Variants in TSEN2 observed in about 807,000 individuals in gnomAD.
TSEN2 encodes the protein tRNA-splicing endonuclease subunit Sen2.
A neutral mutation model predicts 59.2 loss-of-function variants in TSEN2; 54 were observed. That is an observed-to-expected ratio of 0.91 (90% CI 0.73 to 1.14). The LOEUF (loss-of-function observed/expected upper bound fraction) is 1.14. TSEN2 is among the 50% of genes most tolerant of loss of function. TSEN2 has a pLI of 0.00. For missense variants in TSEN2, 636 were observed against 576.2 expected (o/e 1.10, Z -1.06); for synonymous variants, 195 against 198.2 (o/e 0.98, Z 0.14).
At chr3:12,539,165 G>A (rs1187096137) in exon 11 of TSEN2, 5 of 439,806 alleles carry the variant, frequency 1.1e-5, no homozygotes, top group African/African-American at 2.1e-5. Flanking sequence ...ATGTAGTCTC[G>A]CTCTGTCGTC....
At chr3:12,489,740 TATTG>T (rs1181311477) in intron 1 of TSEN2, 40 bp from the exon 2 acceptor site, 9 of 1,553,492 alleles carry the variant, frequency 5.8e-6, no homozygotes, top group South Asian at 5.7e-5. Flanking sequence ...TCAAGGTAGT[TATTG>T]ATTGTCTGTT....
Position 12,531,661 on chromosome 3 carries a change from TG to T in TSEN2, c.1338+5del. On this transcript the variant is annotated splice_donor_region_variant and intron_variant, in intron 11 of 11. Coordinates refer to ENST00000284995, the MANE Select transcript of TSEN2 (RefSeq NM_025265.4). Reference sequence around the variant, plus strand: ...TGTATGAAAAGGATTAAAGTTCAGGTGGGTAAACTCAGAGAAATTCATGTCA... The same window carrying T: ...TGTATGAAAAGGATTAAAGTTCAGGTGGTAAACTCAGAGAAATTCATGTCA... 1 of 1,591,720 alleles carries T rather than the reference TG, an allele frequency of 6.3e-7. No homozygotes were observed. Among genetic ancestry groups the T allele is most frequent in the Non-Finnish European group, 8.6e-7 (1 of 1,159,564 alleles).
At chr3:12,505,462 G>A (rs2054711803) in intron 6 of TSEN2, 2 of 493,230 alleles carry the variant, frequency 4.1e-6, no homozygotes, top group East Asian at 7.1e-5. Flanking sequence ...AGATTCGAGG[G>A]GTTTTTCTGA....
chr3:12,487,812 C>T (rs1356671923), intron 1 of TSEN2, among the ~76,000 whole-genome samples: 1 of 152,144 alleles, frequency 6.6e-6, no homozygotes, highest in African/African-American at 2.4e-5. Flanking sequence ...ATGCAGTAGA[C>T]GTGGTTTTGT....
At chr3:12,483,453 C>A (rs2052288342), upstream of TSEN2, among the ~76,000 whole-genome samples, 1 of 152,112 alleles carries the variant, frequency 6.6e-6, no homozygotes, top group Admixed American at 6.5e-5. Flanking sequence ...AGCACAGAGG[C>A]AAGTCACCCA....
upstream of TSEN2, among the ~76,000 whole-genome samples, chr3:12,483,249 G>A (rs938637773): frequency 1.1e-4 from 16 of 152,318 alleles, no homozygotes; most frequent in African/African-American, 2.9e-4. Flanking sequence ...GGTGGCAGGC[G>A]CCTGTAATCC....
intron 3 of TSEN2, among the ~76,000 whole-genome samples, chr3:12,494,175 T>G (rs1019905484): frequency 1.3e-5 from 2 of 152,100 alleles, no homozygotes; most frequent in African/African-American, 4.8e-5. Flanking sequence ...CACTGTAATA[T>G]CCAAAGACTG....
intron 8 of TSEN2, among the ~76,000 whole-genome samples, chr3:12,520,654 G>A (rs922752406): frequency 6.6e-6 from 1 of 152,042 alleles, no homozygotes; most frequent in African/African-American, 2.4e-5. Flanking sequence ...GCTGGGCGTG[G>A]TAGCAGGCAC....
intron 9 of TSEN2, among the ~76,000 whole-genome samples, chr3:12,529,221 C>T (rs972477569): frequency 6.6e-6 from 1 of 152,218 alleles, no homozygotes; most frequent in Non-Finnish European, 1.5e-5. Context: ...AATCCCAGCA[C>T]TTTGGGAGGC....
rs545310988 is a variant in TSEN2, at chr3:12,522,172, A to G, written c.1099+2975A>G. Among the ~76,000 whole-genome samples, 14 of 152,274 alleles carry G rather than the reference A, an allele frequency of 9.2e-5. No homozygotes were observed. The East Asian group carries it at 1.5e-3, about 17-fold the overall frequency. ...GTCTGCAACTTTATTTTAATGATCA[A>G]GTTATACTTTGGATGATGCATAGGG... On this transcript the variant is annotated intron_variant, in intron 8 of 11. Transcript: ENST00000284995.
intron 5 of TSEN2, among the ~76,000 whole-genome samples, chr3:12,504,739 G>A (rs1253839962): frequency 6.6e-6 from 1 of 152,086 alleles, no homozygotes; most frequent in East Asian, 1.9e-4. Context: ...AGCACTTCTT[G>A]GCCAAGCGTG....
At chr3:12,509,736 T>C (rs1239260028) in intron 6 of TSEN2, among the ~76,000 whole-genome samples, 1 of 152,152 alleles carries the variant, frequency 6.6e-6, no homozygotes, top group Non-Finnish European at 1.5e-5. Context: ...TCGGATTTGT[T>C]AGAGCACAGA....
At chr3:12,518,635 T>A (rs1382436249) in intron 7 of TSEN2, among the ~76,000 whole-genome samples, 1 of 152,234 alleles carries the variant, frequency 6.6e-6, no homozygotes, top group Non-Finnish European at 1.5e-5. Context: ...CAGGTGGTAT[T>A]TTAATACAGT....
At chr3:12,532,629 T>G in intron 11 of TSEN2, 33 bp from the exon 12 acceptor site, 1 of 1,611,924 alleles carries the variant, frequency 6.2e-7, no homozygotes. Context: ...CATTTCTGTT[T>G]TAAGAAATGG....
chr3:12,516,485 TGTGA>T lies in TSEN2; in HGVS notation c.910-125_910-122del, dbSNP rs1304841464. ...GTGTGTGTGTGTGTGTGTGTGTGTG[TGTGA>T]CCTTTTTGATGATGACTTAAGAGCA... On this transcript the variant is annotated intron_variant, in intron 6 of 11. Transcript: ENST00000284995. The T allele has an allele frequency of 3.0e-5, 20 of 669,372 alleles. No individual in the cohort carries two copies. In the East Asian group the frequency reaches 6.1e-4, roughly 20 times the overall value. The allele number at this position is 669,372 out of a possible 1,614,324, so 41.5% of individuals were successfully genotyped here.
chr3:12,507,525 T>G (rs1033350387), intron 6 of TSEN2, among the ~76,000 whole-genome samples: 11 of 152,234 alleles, frequency 7.2e-5, no homozygotes, highest in African/African-American at 2.7e-4. Flanking sequence ...TGCCTGCTAT[T>G]TTTGTCATTA....
chr3:12,525,896 C>T (rs762932162), intron 8 of TSEN2, among the ~76,000 whole-genome samples: 59 of 151,974 alleles, frequency 3.9e-4, no homozygotes, highest in Non-Finnish European at 6.9e-4. Context: ...CACAAACATG[C>T]GAATAATCCG....
chr3:12,535,099 GA>G (rs948300525), downstream of TSEN2, among the ~76,000 whole-genome samples: 11 of 150,830 alleles, frequency 7.3e-5, no homozygotes, highest in East Asian at 1.9e-4. Context: ...CTTTTTTTAA[GA>G]AAAAAAAATT....
At chr3:12,503,064 C>T (rs558890139) in intron 4 of TSEN2, among the ~76,000 whole-genome samples, 198 bp from the exon 5 acceptor site, 1 of 151,594 alleles carries the variant, frequency 6.6e-6, no homozygotes, top group Admixed American at 6.6e-5. Flanking sequence ...AGCAAGACTC[C>T]ATCTCAAAAA....
Sources: allele counts gnomAD v4.1 joint callset (sites outside exome capture counted in the v4.1 genomes callset), GRCh38; gene constraint gnomAD v4.1.1; transcripts MANE v1.5; gene names NCBI Gene and HGNC (gene_info 2026-07-23, HGNC 2026-07-21).